The following FAM241A variants were observed in gnomAD, a reference collection of about 807,000 sequenced individuals.
FAM241A encodes the protein uncharacterized protein FAM241A.
A neutral mutation model predicts 12.2 loss-of-function variants in FAM241A; 7 were observed. The ratio of observed to expected loss-of-function variants is 0.58; its 90% CI spans 0.33 to 1.08. The LOEUF (loss-of-function observed/expected upper bound fraction) is 1.08. FAM241A is among the 50% of genes least tolerant of loss of function. The pLI is 0.04. For synonymous variants in FAM241A, 74 were observed against 68.2 expected (o/e 1.08, Z -0.42); for missense variants, 161 against 169.7 (o/e 0.95, Z 0.29).
intron 1 of FAM241A, chr4:112,171,198 G>A (rs1057289487): frequency 2.4e-5 from 16 of 664,982 alleles, no homozygotes; most frequent in South Asian, 8.8e-5. Context: ...TTTCTGTGCC[G>A]ATAGCACTCC....
At chr4:112,160,665 G>T (rs1287428693) in intron 1 of FAM241A, among the ~76,000 whole-genome samples, 2 of 152,138 alleles carry the variant, frequency 1.3e-5, no homozygotes, top group African/African-American at 4.8e-5. Context: ...ATACTACAGA[G>T]CTTTAGTAAC....
In FAM241A at chr4:112,179,914, G is replaced by GAGATATAT. The variant is rs1479640205; in HGVS notation, c.154-6778_154-6777insGATATATA. 1.7e-3 allele frequency among the ~76,000 whole-genome samples: 195 copies of GAGATATAT among 117,766 alleles called. 3 individuals carry two copies. Among genetic ancestry groups the GAGATATAT allele is most frequent in the African/African-American group, 6.0e-3 (174 of 28,888 alleles). 77.3% of individuals were successfully genotyped at this position (117,766 alleles called of 152,430 possible). A position where few individuals can be genotyped will look rare whatever the true frequency, so the allele number is the denominator to read the frequency against. ...ATGGTGGATTGCATAAAGAAAATGTGATATATATATATATATATATATATG... is the reference window on the plus strand; with the variant it reads ...ATGGTGGATTGCATAAAGAAAATGTGAGATATATATATATATATATATATATATATATG... On this transcript the variant is annotated intron_variant, in intron 1 of 1. Coordinates refer to ENST00000309733, the MANE Select transcript of FAM241A (RefSeq NM_152400.3).
At chr4:112,172,667 C>T (rs1189773371) in intron 1 of FAM241A, among the ~76,000 whole-genome samples, 1 of 152,102 alleles carries the variant, frequency 6.6e-6, no homozygotes, top group African/African-American at 2.4e-5. Flanking sequence ...ATGTTAACCT[C>T]CACACTAGAT....
At chr4:112,179,943 A>ATATATATATATATATATATATT (rs1553921438) in intron 1 of FAM241A, among the ~76,000 whole-genome samples, 1 of 129,514 alleles carries the variant, frequency 7.7e-6, no homozygotes, top group Non-Finnish European at 1.6e-5. Flanking sequence ...ATATATGTAT[A>ATATATATATATATATATATATT]TGTGTGTGTG....
chr4:112,184,980 T>C (rs913835151), intron 1 of FAM241A, among the ~76,000 whole-genome samples: 29 of 152,182 alleles, frequency 1.9e-4, no homozygotes, highest in African/African-American at 7.0e-4. Context: ...TGGCAGATGA[T>C]TTTGTGACAC....
chr4:112,172,040 G>A (rs1458805487), intron 1 of FAM241A, among the ~76,000 whole-genome samples: 1 of 152,182 alleles, frequency 6.6e-6, no homozygotes, highest in African/African-American at 2.4e-5. Context: ...AGCCTATAGT[G>A]TAGGCTTTAG....
At chr4:112,179,294 A>G (rs1723880345) in intron 1 of FAM241A, among the ~76,000 whole-genome samples, 1 of 152,196 alleles carries the variant, frequency 6.6e-6, no homozygotes, top group Non-Finnish European at 1.5e-5. Flanking sequence ...AATAGCAAAG[A>G]CTTGGAACCA....
Position 112,186,797 on chromosome 4 carries a change from C to T in FAM241A, c.258C>T (p.Gly86=). ...TGAACAAAAACCTTATCAACATGGG[C>T]TTCACAAGGATGTATTTTGGAGAAC... The part of the protein sequence containing the change: ...GELNKNLINM[G]FTRMYFGERI... The change falls in exon 2 of 2, where the codon GGC becomes GGT. Residue 86 remains glycine, a synonymous_variant. Coordinates refer to ENST00000309733, the MANE Select transcript of FAM241A (RefSeq NM_152400.3). 1 of 1,613,838 alleles carries T rather than the reference C, an allele frequency of 6.2e-7. No individual in the cohort carries two copies. The highest frequency in any genetic ancestry group is 1.3e-5 in the African/African-American group (1 of 74,946).
rs1373745521 is a variant in FAM241A, at chr4:112,145,731, C to G, written c.151C>G (p.Gln51Glu). Residue 51 changes from glutamine (Q) to glutamate (E), a missense_variant and splice_region_variant, in exon 1 of 2, where the codon CAG becomes GAG. Coordinates refer to ENST00000309733, the MANE Select transcript of FAM241A (RefSeq NM_152400.3). ...RRGQRPKESEQDVEDSQNHTG... is the reference protein window; with the variant it reads ...RRGQRPKESEEDVEDSQNHTG... ...CGGACAGCGGCCGAAGGAGAGCGAG[C>G]AGGTGAGCGCGGGGAGGGGCGGCGG... is the stretch of plus-strand genomic sequence containing the variant. 5.9e-6 allele frequency: 7 copies of G among 1,187,136 alleles called. No individual in the cohort carries two copies. The South Asian group carries it at 2.5e-4, about 42-fold the overall frequency. 73.5% of individuals were successfully genotyped at this position (1,187,136 alleles called of 1,614,324 possible). A position where few individuals can be genotyped will look rare whatever the true frequency, so the allele number is the denominator to read the frequency against.
chr4:112,162,958 CAG>C (rs966852641), intron 1 of FAM241A, among the ~76,000 whole-genome samples: 30 of 152,082 alleles, frequency 2.0e-4, no homozygotes, highest in African/African-American at 7.2e-4. Context: ...GCTACGAAAA[CAG>C]AGATAGACCA....
At chr4:112,145,810 C>T in intron 1 of FAM241A, 77 bp downstream of exon 1, 4 of 947,446 alleles carry the variant, frequency 4.2e-6, no homozygotes, top group Middle Eastern at 9.1e-4. Flanking sequence ...AGGGAAGGGG[C>T]CCGGCCCGCG....
chr4:112,167,754 A>G (rs1353212638), intron 1 of FAM241A, among the ~76,000 whole-genome samples: 1 of 152,258 alleles, frequency 6.6e-6, no homozygotes, highest in Admixed American at 6.5e-5. Context: ...TATACCCCAC[A>G]GCACTTAACC....
chr4:112,189,900 C>A lies in FAM241A; in HGVS notation c.*2962C>A. On this transcript the variant is annotated 3_prime_UTR_variant, in exon 2 of 2. Transcript: ENST00000309733. ...AGCTGTTAAACATACATCAGCACAC[C>A]CTAGAGGCCACATTCCCATTTCTAT... 6.6e-6 allele frequency: 1 copy of A among 151,578 alleles called. No individual in the cohort carries two copies. The highest frequency in any genetic ancestry group is 2.4e-5 in the African/African-American group (1 of 41,176). 9.4% of individuals were successfully genotyped at this position (151,578 alleles called of 1,614,324 possible). A position where few individuals can be genotyped will look rare whatever the true frequency, so the allele number is the denominator to read the frequency against.
chr4:112,164,080 CAG>C (rs1723540279), intron 1 of FAM241A, among the ~76,000 whole-genome samples: 1 of 143,978 alleles, frequency 6.9e-6, no homozygotes, highest in Non-Finnish European at 1.5e-5. Flanking sequence ...CCCTTGGACA[CAG>C]GGTGGGGAAC....
chr4:112,152,818 C>T (rs1723271760), intron 1 of FAM241A, among the ~76,000 whole-genome samples: 1 of 152,148 alleles, frequency 6.6e-6, no homozygotes, highest in Non-Finnish European at 1.5e-5. Flanking sequence ...CCCCGTGATC[C>T]TGATTACTTA....
At chr4:112,174,885 C>A (rs746153424) in intron 1 of FAM241A, among the ~76,000 whole-genome samples, 21 of 152,234 alleles carry the variant, frequency 1.4e-4, no homozygotes, top group Non-Finnish European at 4.4e-5. Flanking sequence ...TGACCCCTTA[C>A]TCCTTGGAAA....
intron 1 of FAM241A, among the ~76,000 whole-genome samples, chr4:112,154,861 C>T (rs941799093): frequency 2.6e-5 from 4 of 151,796 alleles, no homozygotes; most frequent in Admixed American, 2.0e-4. Flanking sequence ...GGCGAAACCC[C>T]GCCTCTCCAA....
chr4:112,186,855 T>A lies in FAM241A; in HGVS notation c.316T>A (p.Trp106Arg). 1 of 1,614,130 alleles carries A rather than the reference T, an allele frequency of 6.2e-7. No homozygotes were observed. Among genetic ancestry groups the A allele is most frequent in the Non-Finnish European group, 8.5e-7 (1 of 1,179,996 alleles). Residue 106 changes from tryptophan (W) to arginine (R), a missense_variant, in exon 2 of 2, where the codon TGG becomes AGG. Coordinates refer to ENST00000309733, the MANE Select transcript of FAM241A (RefSeq NM_152400.3). Reference protein sequence around the residue: ...IVEPVIVIFFWVMLWFLGLQA... With the variant: ...IVEPVIVIFFRVMLWFLGLQA... The stretch of plus-strand genomic sequence containing the variant: ...GGAACCAGTAATAGTCATTTTCTTT[T>A]GGGTTATGCTGTGGTTCCTTGGCCT...
chr4:112,179,022 G>A (rs1323227908), intron 1 of FAM241A, among the ~76,000 whole-genome samples: 1 of 152,152 alleles, frequency 6.6e-6, no homozygotes, highest in Non-Finnish European at 1.5e-5. Flanking sequence ...CATTATTGGT[G>A]GGAATATAAA....
Sources: allele counts gnomAD v4.1 joint callset (sites outside exome capture counted in the v4.1 genomes callset), GRCh38; gene constraint gnomAD v4.1.1; transcripts MANE v1.5; gene names NCBI Gene and HGNC (gene_info 2026-07-23, HGNC 2026-07-21).